MDFIC2: variants seen among roughly 807,000 people sequenced by gnomAD.
MDFIC2 encodes MyoD family inhibitor domain containing 2.
intron 2 of MDFIC2, among the ~76,000 whole-genome samples, chr3:70,213,645 A>C (rs1168100658): frequency 6.6e-6 from 1 of 152,120 alleles, no homozygotes; most frequent in Non-Finnish European, 1.5e-5. Flanking sequence ...TAGAGAAAAA[A>C]AGTTTTTTTC....
At chr3:70,298,657 G>A (rs898145133) in intron 2 of MDFIC2, among the ~76,000 whole-genome samples, 9 of 152,094 alleles carry the variant, frequency 5.9e-5, no homozygotes, top group African/African-American at 2.2e-4. Flanking sequence ...AACTGAATGA[G>A]TAATAGGTTT....
intron 2 of MDFIC2, among the ~76,000 whole-genome samples, chr3:70,310,835 A>G (rs1381007326): frequency 1.3e-5 from 2 of 152,134 alleles, no homozygotes; most frequent in Admixed American, 1.3e-4. Context: ...TTGGAACATG[A>G]TGAGGTGGTG....
chr3:70,242,295 G>C (rs1336132492), intron 2 of MDFIC2, among the ~76,000 whole-genome samples: 1 of 152,088 alleles, frequency 6.6e-6, no homozygotes, highest in Admixed American at 6.6e-5. Context: ...CTTTGGAAAT[G>C]GTGGGAAAAA....
intron 2 of MDFIC2, among the ~76,000 whole-genome samples, chr3:70,248,361 A>G (rs1701728490): frequency 6.6e-6 from 1 of 152,086 alleles, no homozygotes; most frequent in African/African-American, 2.4e-5. Flanking sequence ...AATTTTGAAA[A>G]GCATGTTATA....
intron 2 of MDFIC2, among the ~76,000 whole-genome samples, chr3:70,309,217 G>A (rs1702434508): frequency 6.6e-6 from 1 of 152,126 alleles, no homozygotes; most frequent in South Asian, 2.1e-4. Flanking sequence ...TGCCACTTAA[G>A]AGCCCTGCAA....
At chr3:70,262,825 C>T (rs1046709795) in intron 2 of MDFIC2, among the ~76,000 whole-genome samples, 1 of 152,098 alleles carries the variant, frequency 6.6e-6, no homozygotes, top group African/African-American at 2.4e-5. Flanking sequence ...TCCTTCAAAA[C>T]TATGTTAGAT....
intron 2 of MDFIC2, among the ~76,000 whole-genome samples, chr3:70,277,339 G>A (rs1017545872): frequency 1.3e-5 from 2 of 152,030 alleles, no homozygotes; most frequent in Admixed American, 6.6e-5. Context: ...TTATGTAAAC[G>A]GAAATATCTG....
chr3:70,293,788 T>C (rs1437511074), intron 2 of MDFIC2, among the ~76,000 whole-genome samples: 1 of 152,058 alleles, frequency 6.6e-6, no homozygotes, highest in East Asian at 1.9e-4. Context: ...TGAACCTTAC[T>C]GAAAGGAAAG....
intron 2 of MDFIC2, among the ~76,000 whole-genome samples, chr3:70,281,954 C>T (rs573851909): frequency 1.3e-5 from 2 of 152,156 alleles, no homozygotes; most frequent in African/African-American, 4.8e-5. Flanking sequence ...ACCCTGTGTA[C>T]TGCACAAGGC....
intron 2 of MDFIC2, among the ~76,000 whole-genome samples, chr3:70,248,362 G>T (rs975657425): frequency 4.6e-5 from 7 of 151,990 alleles, no homozygotes; most frequent in African/African-American, 1.4e-4. Flanking sequence ...ATTTTGAAAA[G>T]CATGTTATAT....
At chr3:70,268,199 G>A (rs1044937611) in intron 2 of MDFIC2, among the ~76,000 whole-genome samples, 1 of 152,090 alleles carries the variant, frequency 6.6e-6, no homozygotes, top group Non-Finnish European at 1.5e-5. Context: ...GGCTGGGCGC[G>A]GTAGCTCACG....
chr3:70,233,413 A>G (rs1257266386), intron 2 of MDFIC2, among the ~76,000 whole-genome samples: 1 of 152,166 alleles, frequency 6.6e-6, no homozygotes, highest in East Asian at 1.9e-4. Context: ...ATCTCATTTT[A>G]AATCACTTGC....
intron 3 of MDFIC2, among the ~76,000 whole-genome samples, chr3:70,202,641 C>A (rs955802982): frequency 6.6e-6 from 1 of 152,118 alleles, no homozygotes; most frequent in Non-Finnish European, 1.5e-5. Context: ...CAGAGACCTG[C>A]AGGCTGCACA....
At chr3:70,246,978 C>T (rs1304062169) in intron 2 of MDFIC2, among the ~76,000 whole-genome samples, 1 of 151,946 alleles carries the variant, frequency 6.6e-6, no homozygotes, top group East Asian at 1.9e-4. Context: ...CAATACAAGG[C>T]TCAGGGCATA....
chr3:70,304,180 C>T (rs1273173925), intron 2 of MDFIC2, among the ~76,000 whole-genome samples: 5 of 152,134 alleles, frequency 3.3e-5, no homozygotes, highest in African/African-American at 1.2e-4. Flanking sequence ...GTGAAGATGT[C>T]CCAGTCACTC....
chr3:70,232,958 G>A (rs1701575076), intron 2 of MDFIC2, among the ~76,000 whole-genome samples: 1 of 152,120 alleles, frequency 6.6e-6, no homozygotes, highest in Admixed American at 6.5e-5. Context: ...GAAGGCCAAG[G>A]GAGGCAGATC....
intron 3 of MDFIC2, among the ~76,000 whole-genome samples, chr3:70,200,945 A>G (rs1430016766): frequency 7.6e-6 from 1 of 131,570 alleles, no homozygotes; most frequent in Non-Finnish European, 1.6e-5. Flanking sequence ...GCCAATCTAC[A>G]GCCCTCTATA....
At chr3:70,305,204 G>A (rs1230484912) in intron 2 of MDFIC2, among the ~76,000 whole-genome samples, 1 of 152,094 alleles carries the variant, frequency 6.6e-6, no homozygotes, top group Admixed American at 6.6e-5. Context: ...TGACTTACAA[G>A]GGCATATTTT....
At chr3:70,228,610 T>A (rs1159948039) in intron 2 of MDFIC2, among the ~76,000 whole-genome samples, 1 of 151,618 alleles carries the variant, frequency 6.6e-6, no homozygotes, top group African/African-American at 2.4e-5. Flanking sequence ...TGGAACCTGA[T>A]GAAACATTTA....
Sources: allele counts gnomAD v4.1 joint callset (sites outside exome capture counted in the v4.1 genomes callset), GRCh38; gene constraint gnomAD v4.1.1; transcripts MANE v1.5; gene names NCBI Gene and HGNC (gene_info 2026-07-23, HGNC 2026-07-21).